Variants in MTHFD2L observed in about 807,000 individuals in gnomAD.
MTHFD2L encodes the protein bifunctional methylenetetrahydrofolate dehydrogenase/cyclohydrolase 2, mitochondrial.
Under a neutral mutation model 34.9 loss-of-function variants are expected in MTHFD2L, and 29 were observed. That is an observed-to-expected ratio of 0.83 (90% confidence interval 0.62 to 1.13). The LOEUF (loss-of-function observed/expected upper bound fraction) is 1.13. MTHFD2L is among the 50% of genes most tolerant of loss of function. The pLI is 0.00. For missense variants in MTHFD2L, 481 were observed against 446.5 expected (o/e 1.08, Z -0.70); for synonymous variants, 167 against 155.7 (o/e 1.07, Z -0.54).
At chr4:74,230,204 TA>T (rs1171490778) in intron 6 of MTHFD2L, among the ~76,000 whole-genome samples, 1 of 152,188 alleles carries the variant, frequency 6.6e-6, no homozygotes, top group African/African-American at 2.4e-5. Flanking sequence ...GCTAAAGCAA[TA>T]AAAAGTGAAA....
chr4:74,280,332 G>A (rs954681054), intron 6 of MTHFD2L: 2 of 152,122 alleles, frequency 1.3e-5, no homozygotes, highest in African/African-American at 4.8e-5. Flanking sequence ...ACTCTTGGAA[G>A]CCAGCTGCCA....
upstream of MTHFD2L, among the ~76,000 whole-genome samples, chr4:74,122,542 C>A (rs1721816007): frequency 6.6e-6 from 1 of 152,104 alleles, no homozygotes; most frequent in African/African-American, 2.4e-5. Flanking sequence ...ACAGAGCCAA[C>A]CATAACAGGG....
intron 6 of MTHFD2L, among the ~76,000 whole-genome samples, chr4:74,233,904 A>AT (rs761597813): frequency 3.3e-5 from 5 of 151,610 alleles, no homozygotes; most frequent in Middle Eastern, 3.4e-3. Context: ...GCTGAGGTTG[A>AT]TTTTTTTTCT....
chr4:74,147,490 G>C (rs1374581693), intron 1 of MTHFD2L, among the ~76,000 whole-genome samples: 3 of 152,288 alleles, frequency 2.0e-5, no homozygotes, highest in Admixed American at 6.5e-5. Context: ...GAGTTACAGA[G>C]CAGAGTTTCT....
Position 74,201,319 on chromosome 4 carries a change from A to T in MTHFD2L, c.661A>T (p.Met221Leu). The stretch of plus-strand genomic sequence containing the variant: ...GGCTGGAAGATCCAAGAACGTAGGG[A>T]TGCCTATTGCCATGCTTTTACACAC... ...VVAGRSKNVG[M>L]PIAMLLHTDG... Residue 221 changes from methionine to leucine, a missense_variant, in exon 5 of 8, where the codon ATG (methionine) becomes TTG (leucine). Transcript: ENST00000325278. The T allele has an allele frequency of 1.2e-6, 2 of 1,613,876 alleles. No individual in the cohort carries two copies. The highest frequency in any genetic ancestry group is 1.7e-6 in the Non-Finnish European group (2 of 1,179,870).
chr4:74,192,179 G>A (rs1377306337), intron 3 of MTHFD2L, among the ~76,000 whole-genome samples: 5 of 151,906 alleles, frequency 3.3e-5, no homozygotes, highest in Middle Eastern at 3.2e-3. Context: ...ATATGCTATC[G>A]GAAAAAGGAA....
At chr4:74,116,401 C>T (rs1470635173) in intron 2 of MTHFD2L, among the ~76,000 whole-genome samples, 1 of 152,074 alleles carries the variant, frequency 6.6e-6, no homozygotes. Context: ...CCAACATCAC[C>T]CAATATAAGG....
intron 7 of MTHFD2L, among the ~76,000 whole-genome samples, chr4:74,285,272 A>G (rs1432616418): frequency 2.0e-5 from 3 of 152,064 alleles, no homozygotes; most frequent in Non-Finnish European, 4.4e-5. Flanking sequence ...GCACACCCAC[A>G]TGGCACATGT....
intron 3 of MTHFD2L, among the ~76,000 whole-genome samples, chr4:74,188,906 G>A (rs534140802): frequency 2.0e-5 from 3 of 151,276 alleles, no homozygotes; most frequent in African/African-American, 7.3e-5. Flanking sequence ...CTTCAATAAA[G>A]CTGTTTATCA....
chr4:74,225,295 A>AT lies in MTHFD2L; in HGVS notation c.713-5dup. 1 of 1,608,210 alleles carries AT rather than the reference A, an allele frequency of 6.2e-7. No homozygotes were observed. Among genetic ancestry groups the AT allele is most frequent in the South Asian group, 1.1e-5 (1 of 90,316 alleles). ...TAATCACTGATAGAAATTCTTCTGTATTCCAGGTGATGCAACTGTGACAAT... is the reference window on the plus strand; with the variant it reads ...TAATCACTGATAGAAATTCTTCTGTATTTCCAGGTGATGCAACTGTGACAAT... On this transcript the variant is annotated splice_region_variant and splice_polypyrimidine_tract_variant and intron_variant, in intron 5 of 7. Coordinates refer to ENST00000325278, the MANE Select transcript of MTHFD2L (RefSeq NM_001144978.3).
intron 6 of MTHFD2L, chr4:74,268,254 T>C: frequency 1.0e-6 from 1 of 983,440 alleles, no homozygotes; most frequent in African/African-American, 1.8e-5. Flanking sequence ...GCAAAGCAAA[T>C]AATGCTGAAG....
Position 74,267,774 on chromosome 4 carries a change from C to G in MTHFD2L, c.806-13651C>G, listed in dbSNP as rs1448551378. 4.1e-6 allele frequency: 4 copies of G among 985,128 alleles called. No individual in the cohort carries two copies. The East Asian group carries it at 3.4e-4, about 84-fold the overall frequency. 61.0% of individuals were successfully genotyped at this position (985,128 alleles called of 1,614,324 possible). A position where few individuals can be genotyped will look rare whatever the true frequency, so the allele number is the denominator to read the frequency against. On this transcript the variant is annotated intron_variant, in intron 6 of 7. Coordinates refer to ENST00000325278, the MANE Select transcript of MTHFD2L (RefSeq NM_001144978.3). ...AGAAAAGAGAAGCACACATTTGGAC[C>G]CCACAGGTCCATTGACTTTGCAGAA...
intron 7 of MTHFD2L, among the ~76,000 whole-genome samples, chr4:74,284,181 CATAA>C (rs1485184828): frequency 5.3e-5 from 8 of 152,130 alleles, no homozygotes; most frequent in African/African-American, 1.4e-4. Flanking sequence ...GATTTATCCA[CATAA>C]ATAAACAAAA....
intron 6 of MTHFD2L, among the ~76,000 whole-genome samples, chr4:74,237,048 G>A (rs181192278): frequency 2.0e-5 from 3 of 152,272 alleles, no homozygotes; most frequent in Admixed American, 2.0e-4. Flanking sequence ...GGTAACATGG[G>A]ATGACAAGGG....
At position 74,160,215 on chromosome 4, in the gene MTHFD2L, T is replaced by C. The variant is rs1337075167; in HGVS notation, c.143+1934T>C. 4.4e-6 allele frequency: 3 copies of C among 677,082 alleles called. No homozygotes were observed. The East Asian group carries it at 2.0e-4, about 45-fold the overall frequency. 41.9% of individuals were successfully genotyped at this position (677,082 alleles called of 1,614,324 possible). On this transcript the variant is annotated intron_variant, in intron 1 of 7. Transcript: ENST00000325278. ...AAGTCTGACATCTTTTCTTTTGCCA[T>C]GAAATTTACACCTTAGTGTTATTCT...
At chr4:74,301,535 G>C (rs1260738530) in intron 7 of MTHFD2L, among the ~76,000 whole-genome samples, 162 bp from the exon 8 acceptor site, 1 of 128,716 alleles carries the variant, frequency 7.8e-6, no homozygotes, top group African/African-American at 3.4e-5. Context: ...GTGTGAGCGT[G>C]TGTGTGTGTG....
chr4:74,240,906 T>C (rs1048187311), intron 6 of MTHFD2L, among the ~76,000 whole-genome samples: 3 of 152,196 alleles, frequency 2.0e-5, no homozygotes, highest in Non-Finnish European at 4.4e-5. Context: ...CCTTTAATTA[T>C]TTGGCTTTTC....
At chr4:74,230,474 C>T (rs543869212) in intron 6 of MTHFD2L, among the ~76,000 whole-genome samples, 4 of 151,610 alleles carry the variant, frequency 2.6e-5, no homozygotes, top group South Asian at 2.1e-4. Context: ...CCTGTAATCC[C>T]AGCTACTCAA....
chr4:74,229,964 T>C (rs190746586), intron 6 of MTHFD2L, among the ~76,000 whole-genome samples: 1 of 152,334 alleles, frequency 6.6e-6, no homozygotes, highest in Admixed American at 6.5e-5. Context: ...TTTTTAAGCT[T>C]GCTAGGTAAG....
Sources: allele counts gnomAD v4.1 joint callset (sites outside exome capture counted in the v4.1 genomes callset), GRCh38; gene constraint gnomAD v4.1.1; transcripts MANE v1.5; gene names NCBI Gene and HGNC (gene_info 2026-07-23, HGNC 2026-07-21).